Variants in GALNT13 observed in about 807,000 individuals in gnomAD.
GALNT13 encodes UDP-GalNAc:polypeptide N-acetylgalactosaminyltransferase 13.
A neutral mutation model predicts 64.2 loss-of-function variants in GALNT13; 28 were observed. The ratio of observed to expected loss-of-function variants is 0.44; its 90% CI spans 0.32 to 0.60. GALNT13 has a LOEUF of 0.60. GALNT13 is among the 20% of genes least tolerant of loss of function. The pLI is 0.05. For synonymous variants in GALNT13, 214 were observed against 224.6 expected (o/e 0.95, Z 0.42); for missense variants, 577 against 669.8 (o/e 0.86, Z 1.53).
At chr2:153,678,981 C>T in the GALNT13 span, among the ~76,000 whole-genome samples, 29 of 152,094 alleles carry the variant, frequency 1.9e-4, no homozygotes, top group African/African-American at 6.7e-4. Flanking sequence ...TCCATTGGAT[C>T]TCTCCTTCCT....
intron 3 of GALNT13, among the ~76,000 whole-genome samples, chr2:154,127,005 C>T (rs1682321481): frequency 6.6e-6 from 1 of 152,118 alleles, no homozygotes; most frequent in African/African-American, 2.4e-5. Context: ...TCTTAAAGGT[C>T]ATTTCTAAAA....
chr2:154,123,649 G>A (rs1022215460), intron 3 of GALNT13, among the ~76,000 whole-genome samples: 5 of 151,786 alleles, frequency 3.3e-5, no homozygotes, highest in Admixed American at 6.6e-5. Context: ...CTTAGAGAAC[G>A]GTTTGTCATT....
chr2:153,267,734 A>G, the GALNT13 span, among the ~76,000 whole-genome samples: 2 of 152,326 alleles, frequency 1.3e-5, no homozygotes, highest in East Asian at 1.9e-4. Flanking sequence ...TGCCTTGGCT[A>G]TTAACATTCA....
the GALNT13 span, among the ~76,000 whole-genome samples, chr2:153,687,137 T>C: frequency 3.9e-5 from 6 of 151,900 alleles, no homozygotes; most frequent in African/African-American, 1.4e-4. Flanking sequence ...AGTTTGGTAT[T>C]AGGATGATGC....
the GALNT13 span, among the ~76,000 whole-genome samples, chr2:153,470,593 C>T: frequency 6.6e-6 from 1 of 152,112 alleles, no homozygotes; most frequent in Admixed American, 6.5e-5. Flanking sequence ...CTGAGTGACA[C>T]TAGATATCAG....
At chr2:154,241,248 T>C (rs1245999308) in intron 4 of GALNT13, among the ~76,000 whole-genome samples, 1 of 152,126 alleles carries the variant, frequency 6.6e-6, no homozygotes, top group African/African-American at 2.4e-5. Context: ...ATCCAACATT[T>C]GGGCAGGAAA....
At chr2:154,147,922 T>A (rs1037942390) in intron 4 of GALNT13, among the ~76,000 whole-genome samples, 1 of 151,866 alleles carries the variant, frequency 6.6e-6, no homozygotes, top group African/African-American at 2.4e-5. Context: ...ATTTTTTATT[T>A]TTATTATTAT....
rs557698554 is a variant in GALNT13, at chr2:154,302,218, G to T, written c.1156+629G>T. On this transcript the variant is annotated intron_variant, in intron 9 of 12. Coordinates refer to ENST00000392825, the MANE Select transcript of GALNT13 (RefSeq NM_052917.4). The stretch of plus-strand genomic sequence containing the variant: ...AAAAAATGAGAAAATCCTATTACTG[G>T]GTGGTGGGATTATTAATGATTACAT... 2.0e-5 allele frequency among the ~76,000 whole-genome samples: 3 copies of T among 151,972 alleles called. No individual in the cohort carries two copies. The South Asian group carries it at 6.2e-4, about 32-fold the overall frequency.
the GALNT13 span, among the ~76,000 whole-genome samples, chr2:153,150,807 G>A: frequency 6.6e-6 from 1 of 151,866 alleles, no homozygotes; most frequent in African/African-American, 2.4e-5. Flanking sequence ...ATTTCTGAGG[G>A]CTCTGTTCTG....
the GALNT13 span, among the ~76,000 whole-genome samples, chr2:153,572,672 C>T: frequency 5.3e-5 from 8 of 151,756 alleles, no homozygotes; most frequent in South Asian, 2.1e-4. Flanking sequence ...GAAATATTTC[C>T]GTTTTCTTCT....
chr2:154,277,150 T>C (rs1691693990), intron 8 of GALNT13, among the ~76,000 whole-genome samples: 1 of 152,180 alleles, frequency 6.6e-6, no homozygotes, highest in Non-Finnish European at 1.5e-5. Flanking sequence ...TACTAAAGCA[T>C]TACATGTGTA....
At chr2:153,232,547 C>G in the GALNT13 span, among the ~76,000 whole-genome samples, 2 of 152,182 alleles carry the variant, frequency 1.3e-5, no homozygotes, top group Non-Finnish European at 2.9e-5. Context: ...TCTATCTGCT[C>G]TCCTGTAAGG....
At chr2:153,482,863 C>T in the GALNT13 span, among the ~76,000 whole-genome samples, 2 of 150,638 alleles carry the variant, frequency 1.3e-5, no homozygotes, top group Non-Finnish European at 2.9e-5. Context: ...TTGATCTATT[C>T]TATGGAAACA....
chr2:153,836,930 A>C, the GALNT13 span, among the ~76,000 whole-genome samples: 86 of 152,098 alleles, frequency 5.7e-4, no homozygotes, highest in Middle Eastern at 0.01. Context: ...GGGTTGGTTC[A>C]AAGTCTTTGC....
At chr2:153,168,855 C>T in the GALNT13 span, among the ~76,000 whole-genome samples, 63 of 152,258 alleles carry the variant, frequency 4.1e-4, no homozygotes, top group East Asian at 7.9e-3. Context: ...AATGTCAATT[C>T]ATATACTTTC....
chr2:153,462,821 G>C, the GALNT13 span, among the ~76,000 whole-genome samples: 4 of 152,204 alleles, frequency 2.6e-5, 1 homozygote, highest in Admixed American at 2.6e-4. Flanking sequence ...ATCTCCTTTG[G>C]TCCTGGCTCA....
intron 3 of GALNT13, among the ~76,000 whole-genome samples, chr2:153,947,075 A>G (rs1471774279): frequency 6.6e-6 from 1 of 152,036 alleles, no homozygotes; most frequent in Non-Finnish European, 1.5e-5. Flanking sequence ...GGCAGTTTCT[A>G]AGTTCCCTTA....
chr2:153,454,163 T>G, the GALNT13 span, among the ~76,000 whole-genome samples: 1 of 152,094 alleles, frequency 6.6e-6, no homozygotes, highest in African/African-American at 2.4e-5. Flanking sequence ...CCCTAACTAT[T>G]CAGTACTATG....
the GALNT13 span, among the ~76,000 whole-genome samples, chr2:153,735,859 A>G: frequency 2.0e-5 from 3 of 152,214 alleles, no homozygotes; most frequent in African/African-American, 7.2e-5. Flanking sequence ...CAGGTAGTGC[A>G]TGATTTAAAT....
Sources: allele counts gnomAD v4.1 joint callset (sites outside exome capture counted in the v4.1 genomes callset), GRCh38; gene constraint gnomAD v4.1.1; transcripts MANE v1.5; gene names NCBI Gene and HGNC (gene_info 2026-07-23, HGNC 2026-07-21).